SIN3A: variants seen among roughly 807,000 people sequenced by gnomAD.
SIN3A encodes paired amphipathic helix protein Sin3a.
Under a neutral mutation model 146.1 loss-of-function variants are expected in SIN3A, and 14 were observed. The observed-to-expected ratio is 0.10, with a 90% CI of 0.06 to 0.15. SIN3A has a LOEUF of 0.15. SIN3A is among the 10% of genes least tolerant of loss of function. The pLI is 1.00. For missense variants in SIN3A, 1,028 were observed against 1,576.0 expected, an observed-to-expected ratio of 0.65 and a Z score of 5.89; for synonymous variants, 572 against 572.0, an observed-to-expected ratio of 1.00 and a Z score of 0.00.
chr15:75,385,806 G>A (rs1156606433), intron 16 of SIN3A, among the ~76,000 whole-genome samples: 3 of 152,200 alleles, frequency 2.0e-5, no homozygotes, highest in African/African-American at 4.8e-5. Flanking sequence ...AACGGTGACT[G>A]AGTGTGGCAG....
At chr15:75,454,813 G>A (rs2074465410), upstream of SIN3A, 2 of 152,360 alleles carry the variant, frequency 1.3e-5, no homozygotes, top group Admixed American at 6.5e-5. Flanking sequence ...TGGGGTGGGC[G>A]GGGAAGCAGG....
chr15:75,440,700 G>A (rs1223844148), intron 1 of SIN3A, among the ~76,000 whole-genome samples: 2 of 152,066 alleles, frequency 1.3e-5, no homozygotes, highest in East Asian at 1.9e-4. Flanking sequence ...AAGAAACAAG[G>A]GGTCGGGCGC....
At chr15:75,445,774 AAAAG>A (rs1242184350) in intron 1 of SIN3A, among the ~76,000 whole-genome samples, 25 of 151,658 alleles carry the variant, frequency 1.6e-4, no homozygotes, top group South Asian at 6.2e-4. Context: ...AAAAAAAAAA[AAAAG>A]AAAGAAAGAA....
chr15:75,435,698 CAA>C (rs59093415), intron 1 of SIN3A, among the ~76,000 whole-genome samples: 19 of 57,254 alleles, frequency 3.3e-4, no homozygotes, highest in Admixed American at 1.6e-3. Context: ...AACTACGTCT[CAA>C]AAAAAAAAAA....
intron 20 of SIN3A, 43 bp from the exon 21 acceptor site, chr15:75,372,252 CA>C (rs1443215456): frequency 6.8e-6 from 9 of 1,320,438 alleles, no homozygotes; most frequent in Admixed American, 2.3e-5. Context: ...GAAGCAGAAC[CA>C]AAAAAGAGCC....
At position 75,430,271 on chromosome 15, in the gene SIN3A, G is replaced by C; in HGVS notation, c.105C>G (p.Ala35=). ...EAFPHQHRVL[A]PAPPVYEAVS... ...CTGCTTCATACACAGGAGGGGCAGG[G>C]GCAAGCACCCGGTGCTGGTGAGGAA... Residue 35 remains alanine, a synonymous_variant, in exon 2 of 21, where the codon GCC becomes GCG. Coordinates refer to ENST00000394947, the MANE Select transcript of SIN3A (RefSeq NM_001145358.2). 1 of 1,614,136 alleles carries C rather than the reference G, an allele frequency of 6.2e-7. No individual in the cohort carries two copies.
chr15:75,452,202 G>T (rs2074422933), upstream of SIN3A, among the ~76,000 whole-genome samples: 1 of 152,238 alleles, frequency 6.6e-6, no homozygotes, highest in South Asian at 2.1e-4. Context: ...AGTCGGATTG[G>T]ATATCTTGGC....
At chr15:75,445,597 G>A (rs2074292914) in intron 1 of SIN3A, among the ~76,000 whole-genome samples, 1 of 150,718 alleles carries the variant, frequency 6.6e-6, no homozygotes, top group Non-Finnish European at 1.5e-5. Flanking sequence ...TAAATAAATA[G>A]CTGGGTGTAG....
intron 17 of SIN3A, among the ~76,000 whole-genome samples, chr15:75,383,587 G>T (rs1359889582): frequency 2.3e-4 from 34 of 150,824 alleles, no homozygotes; most frequent in African/African-American, 7.8e-4. Flanking sequence ...GGAGTGCAGT[G>T]GCGCGATCTC....
chr15:75,383,150 T>C (rs1417130135), intron 17 of SIN3A, among the ~76,000 whole-genome samples: 1 of 151,400 alleles, frequency 6.6e-6, no homozygotes, highest in Non-Finnish European at 1.5e-5. Flanking sequence ...TACATGACTG[T>C]AATCCCAGCT....
In SIN3A at chr15:75,380,782, A is replaced by C. The variant is rs575748705; in HGVS notation, c.3289-59T>G. On this transcript the variant is annotated intron_variant, in intron 18 of 20. Coordinates refer to ENST00000394947, the MANE Select transcript of SIN3A (RefSeq NM_001145358.2). ...AAATCACAAAAACAGCTCCTAATGC[A>C]TTGGGCACTCTAGTAAATTCTATGA... 68 of 1,135,940 alleles carry C rather than the reference A, an allele frequency of 6.0e-5. No homozygotes were observed. The South Asian group carries it at 8.4e-4, about 14-fold the overall frequency. 70.4% of individuals were successfully genotyped at this position (1,135,940 alleles called of 1,614,324 possible).
intron 3 of SIN3A, 24 bp from the exon 4 acceptor site, chr15:75,414,335 G>T: frequency 3.1e-6 from 4 of 1,274,232 alleles, no homozygotes; most frequent in African/African-American, 1.5e-5. Flanking sequence ...AAATATCAAG[G>T]TTATAAAAAG....
intron 1 of SIN3A, among the ~76,000 whole-genome samples, chr15:75,441,750 T>G (rs1207795117): frequency 6.6e-6 from 1 of 152,160 alleles, no homozygotes; most frequent in Non-Finnish European, 1.5e-5. Flanking sequence ...CTTCATAATT[T>G]TGTTGGAGAG....
intron 10 of SIN3A, 62 bp downstream of exon 10, chr15:75,401,790 C>A: frequency 9.8e-7 from 1 of 1,017,348 alleles, no homozygotes; most frequent in Non-Finnish European, 1.5e-6. Context: ...TATACTCTCA[C>A]AAATCAAACA....
At chr15:75,442,536 G>T (rs1196482621) in intron 1 of SIN3A, among the ~76,000 whole-genome samples, 8 of 150,216 alleles carry the variant, frequency 5.3e-5, no homozygotes, top group Non-Finnish European at 1.2e-4. Flanking sequence ...CCAGTTACTT[G>T]GGGGAACTGA....
chr15:75,454,689 C>A (rs1290854950), upstream of SIN3A, among the ~76,000 whole-genome samples: 1 of 151,980 alleles, frequency 6.6e-6, no homozygotes, highest in African/African-American at 2.4e-5. Context: ...GCCCGCGCCC[C>A]CGCCCCCGCC....
chr15:75,446,644 A>G (rs1437245190), intron 1 of SIN3A, among the ~76,000 whole-genome samples: 8 of 151,524 alleles, frequency 5.3e-5, no homozygotes, highest in Admixed American at 5.3e-4. Context: ...GGCACGCGCC[A>G]GCATGCTTGG....
intron 6 of SIN3A, 78 bp from the exon 7 acceptor site, chr15:75,410,364 CTG>C: frequency 1.4e-6 from 2 of 1,399,310 alleles, no homozygotes; most frequent in African/African-American, 1.4e-5. Context: ...TCTGGAATCA[CTG>C]TTATCTATTT....
chr15:75,414,774 C>CAA (rs1183463981), intron 3 of SIN3A, among the ~76,000 whole-genome samples: 2 of 151,756 alleles, frequency 1.3e-5, no homozygotes, highest in Admixed American at 6.6e-5. Context: ...TCTTCTCCAC[C>CAA]AAAAAAAGTG....
Sources: gnomAD v4.1 joint callset for allele counts (sites outside exome capture counted in the v4.1 genomes callset) on GRCh38, gnomAD v4.1.1 for gene constraint, MANE v1.5 for transcripts, NCBI Gene and HGNC (gene_info 2026-07-23, HGNC 2026-07-21) for gene names.